The following SH3RF1 variants were observed in gnomAD, a reference collection of about 807,000 sequenced individuals.
SH3RF1 encodes SH3 domain containing ring finger 1.
SH3RF1 carries 32 observed loss-of-function variants against 74.0 expected under a neutral mutation model. The ratio of observed to expected loss-of-function variants is 0.43; its 90% CI spans 0.33 to 0.58. The LOEUF (loss-of-function observed/expected upper bound fraction) is 0.58, where lower values mean the gene tolerates loss of function less well. Among genes scored for constraint, SH3RF1 ranks in the 20% least tolerant of loss-of-function variants. SH3RF1 has a pLI of 0.05. For missense variants in SH3RF1, 954 were observed against 1,130.9 expected, an observed-to-expected ratio of 0.84 and a Z score of 2.24; for synonymous variants, 396 against 439.6, an observed-to-expected ratio of 0.90 and a Z score of 1.24.
intron 10 of SH3RF1, among the ~76,000 whole-genome samples, chr4:169,112,384 A>G (rs1408499081): frequency 6.6e-6 from 1 of 152,208 alleles, no homozygotes; most frequent in Non-Finnish European, 1.5e-5. Context: ...AAGCAGAAAT[A>G]TTGAGAACTT....
At chr4:169,103,086 A>ATTTTTTTTTTTTTTT (rs60740517) in intron 11 of SH3RF1, among the ~76,000 whole-genome samples, 3 of 87,072 alleles carry the variant, frequency 3.4e-5, no homozygotes, top group Non-Finnish European at 4.3e-5. Context: ...GCGCCTGGCT[A>ATTTTTTTTTTTTTTT]TTTTTTTTTT....
At chr4:169,184,005 CT>C (rs1190409363) in intron 2 of SH3RF1, among the ~76,000 whole-genome samples, 1 of 152,132 alleles carries the variant, frequency 6.6e-6, no homozygotes, top group East Asian at 1.9e-4. Context: ...TTATGTCATT[CT>C]TTTGCCTAAA....
At chr4:169,230,480 T>C (rs1202978425) in intron 2 of SH3RF1, among the ~76,000 whole-genome samples, 3 of 152,194 alleles carry the variant, frequency 2.0e-5, no homozygotes, top group Admixed American at 1.3e-4. Context: ...TTAGTTTTCA[T>C]TTGTTTTTCT....
At chr4:169,268,219 C>G (rs914645764) in intron 2 of SH3RF1, among the ~76,000 whole-genome samples, 2 of 152,082 alleles carry the variant, frequency 1.3e-5, no homozygotes, top group Non-Finnish European at 2.9e-5. Flanking sequence ...CACTATAAAG[C>G]CCAACATAAA....
chr4:169,185,398 A>T (rs1734585426), intron 2 of SH3RF1, among the ~76,000 whole-genome samples: 1 of 152,236 alleles, frequency 6.6e-6, no homozygotes. Context: ...AGTGAGCTGC[A>T]GTCTGAGCTG....
intron 4 of SH3RF1, among the ~76,000 whole-genome samples, chr4:169,150,014 G>A (rs751734208): frequency 6.6e-6 from 1 of 152,170 alleles, no homozygotes; most frequent in Non-Finnish European, 1.5e-5. Context: ...CCCTAGAAGA[G>A]GAAGCTAGCA....
chr4:169,180,895 T>C (rs1734499375), intron 2 of SH3RF1, among the ~76,000 whole-genome samples: 1 of 152,306 alleles, frequency 6.6e-6, no homozygotes, highest in East Asian at 1.9e-4. Flanking sequence ...CTTAGAAATC[T>C]TGAGCACCTA....
chr4:169,206,208 C>T (rs999654009), intron 2 of SH3RF1, among the ~76,000 whole-genome samples: 1 of 152,336 alleles, frequency 6.6e-6, no homozygotes, highest in East Asian at 1.9e-4. Context: ...ATCTTCACTG[C>T]TATAAATGAC....
chr4:169,111,782 A>C (rs1032502536), intron 10 of SH3RF1, among the ~76,000 whole-genome samples: 1 of 152,214 alleles, frequency 6.6e-6, no homozygotes, highest in African/African-American at 2.4e-5. Context: ...CAATGGTAGA[A>C]AAGGTCTAGG....
chr4:169,218,247 AAT>A (rs1416763189), intron 2 of SH3RF1, among the ~76,000 whole-genome samples: 22 of 143,886 alleles, frequency 1.5e-4, no homozygotes, highest in Non-Finnish European at 2.9e-4. Context: ...TATAATATAG[AAT>A]ATGTTTATAT....
intron 4 of SH3RF1, among the ~76,000 whole-genome samples, chr4:169,141,194 T>C (rs1275289266): frequency 6.6e-6 from 1 of 152,170 alleles, no homozygotes; most frequent in African/African-American, 2.4e-5. Flanking sequence ...GATTTCCATT[T>C]AACAATTTAA....
Position 169,130,979 on chromosome 4 carries a change from G to A in SH3RF1, c.1069-823C>T, listed in dbSNP as rs748303279. On this transcript the variant is annotated intron_variant, in intron 5 of 11. Coordinates refer to ENST00000284637, the MANE Select transcript of SH3RF1 (RefSeq NM_020870.4). Reference sequence around the variant, plus strand: ...CAGTGTGAATAGAAGCAATGTGGTTGGCTGGTACCTGCCTCCCTAAGAAAA... The same window carrying A: ...CAGTGTGAATAGAAGCAATGTGGTTAGCTGGTACCTGCCTCCCTAAGAAAA... Among the ~76,000 whole-genome samples the A allele has an allele frequency of 6.0e-4, 91 of 152,254 alleles. 1 individual carries two copies. The highest frequency in any genetic ancestry group is 8.5e-4 in the Non-Finnish European group (58 of 68,030).
chr4:169,125,919 T>C (rs1462958545), intron 6 of SH3RF1, among the ~76,000 whole-genome samples: 3 of 152,236 alleles, frequency 2.0e-5, no homozygotes, highest in Non-Finnish European at 4.4e-5. Flanking sequence ...TCTACATGCA[T>C]AAATTATAAA....
intron 10 of SH3RF1, among the ~76,000 whole-genome samples, chr4:169,114,472 TTTAAAAG>T (rs1733297610): frequency 2.0e-5 from 3 of 152,196 alleles, no homozygotes; most frequent in Admixed American, 6.5e-5. Context: ...ATGAAACATC[TTTAAAAG>T]TTCCAGGGAT....
chr4:169,170,811 C>T (rs1013547642), intron 2 of SH3RF1, among the ~76,000 whole-genome samples: 1 of 152,126 alleles, frequency 6.6e-6, no homozygotes, highest in Non-Finnish European at 1.5e-5. Flanking sequence ...ACCATCAGAG[C>T]ATGTGTCTCA....
intron 4 of SH3RF1, among the ~76,000 whole-genome samples, chr4:169,149,261 T>C (rs927860750): frequency 3.9e-5 from 6 of 152,234 alleles, no homozygotes; most frequent in African/African-American, 1.4e-4. Flanking sequence ...CCTTTTTAGA[T>C]TGAGTCTTTA....
chr4:169,121,766 A>T (rs1422658185), intron 7 of SH3RF1, among the ~76,000 whole-genome samples: 1 of 152,248 alleles, frequency 6.6e-6, no homozygotes, highest in African/African-American at 2.4e-5. Context: ...TCACACTGCA[A>T]CTAGACCTAG....
intron 2 of SH3RF1, among the ~76,000 whole-genome samples, chr4:169,175,691 G>T (rs1285347074): frequency 6.6e-6 from 1 of 151,952 alleles, no homozygotes; most frequent in Admixed American, 6.6e-5. Context: ...ACTAGGCACC[G>T]ACCCACCCAA....
At chr4:169,246,324 G>T (rs1195242856) in intron 2 of SH3RF1, among the ~76,000 whole-genome samples, 1 of 152,150 alleles carries the variant, frequency 6.6e-6, no homozygotes, top group Non-Finnish European at 1.5e-5. Context: ...GTTAACTAGA[G>T]AACACAAATT....
Sources: allele counts gnomAD v4.1 joint callset (sites outside exome capture counted in the v4.1 genomes callset), GRCh38; gene constraint gnomAD v4.1.1; transcripts MANE v1.5; gene names NCBI Gene and HGNC (gene_info 2026-07-23, HGNC 2026-07-21).